The following HERC2 variants were observed in gnomAD, a reference collection of about 807,000 sequenced individuals.
The protein encoded by HERC2 is E3 ubiquitin-protein ligase HERC2.
A neutral mutation model predicts 537.7 loss-of-function variants in HERC2; 102 were observed. That is an observed-to-expected ratio of 0.19 (90% CI 0.16 to 0.22). HERC2 has a LOEUF of 0.22. Among genes scored for constraint, HERC2 ranks in the 10% least tolerant of loss-of-function variants. The probability of loss-of-function intolerance (pLI) is 1.00; values close to 1 mark genes in which losing one functional copy is unlikely to be tolerated. For synonymous variants in HERC2, 2,224 were observed against 2,466.2 expected, an observed-to-expected ratio of 0.90 and a Z score of 2.91; for missense variants, 4,236 against 6,198.2, an observed-to-expected ratio of 0.68 and a Z score of 10.63.
At chr15:28,145,849 C>T (rs1417246489) in intron 71 of HERC2, among the ~76,000 whole-genome samples, 1 of 152,192 alleles carries the variant, frequency 6.6e-6, no homozygotes, top group African/African-American at 2.4e-5. Context: ...GCTGCCTCCA[C>T]CTACATACAG....
chr15:28,225,300 T>TA (rs1262671087), intron 35 of HERC2, among the ~76,000 whole-genome samples: 1 of 151,542 alleles, frequency 6.6e-6, no homozygotes, highest in Non-Finnish European at 1.5e-5. Flanking sequence ...AAGGAAACGA[T>TA]AGAGATTAGA....
At chr15:28,125,428 C>T (rs1889373730) in intron 83 of HERC2, among the ~76,000 whole-genome samples, 1 of 152,226 alleles carries the variant, frequency 6.6e-6, no homozygotes, top group Non-Finnish European at 1.5e-5. Flanking sequence ...GGACTCTCCA[C>T]AGCCCCTGTT....
chr15:28,148,288 G>A (rs1891980644), intron 70 of HERC2, among the ~76,000 whole-genome samples: 1 of 151,950 alleles, frequency 6.6e-6, no homozygotes, highest in African/African-American at 2.4e-5. Context: ...AAAACAGAGT[G>A]TAAAATCAAA....
intron 11 of HERC2, 139 bp downstream of exon 11, chr15:28,269,109 T>C (rs1479608006): frequency 7.7e-6 from 5 of 648,042 alleles, no homozygotes; most frequent in Non-Finnish European, 1.3e-5. Flanking sequence ...CTGAGATCAT[T>C]AAACATAATA....
chr15:28,256,411 T>G (rs1397354164), intron 17 of HERC2, 94 bp from the exon 18 acceptor site: 1 of 851,966 alleles, frequency 1.2e-6, no homozygotes. Flanking sequence ...ATTTCAAGTA[T>G]TATTTAAATA....
At position 28,136,688 on chromosome 15, in the gene HERC2, G is replaced by A. The variant is rs114433057; in HGVS notation, c.12016-996C>T. On this transcript the variant is annotated intron_variant, in intron 78 of 92. Coordinates refer to ENST00000261609, the MANE Select transcript of HERC2 (RefSeq NM_004667.6). ...TTTCTTTCTGTAAATGAAGCTTTAC[G>A]GGAACACGGCCACACCCACTCATTT... 3.6e-3 allele frequency among the ~76,000 whole-genome samples: 550 copies of A among 152,284 alleles called. 6 individuals carry two copies. Among genetic ancestry groups the A allele is most frequent in the African/African-American group, 0.013 (522 of 41,556 alleles).
chr15:28,314,747 G>A (rs2077036582), intron 2 of HERC2, among the ~76,000 whole-genome samples: 1 of 151,784 alleles, frequency 6.6e-6, no homozygotes, highest in African/African-American at 2.4e-5. Flanking sequence ...TGTAATCCCA[G>A]CTACTCCGGA....
chr15:28,275,655 A>C (rs575053713), intron 5 of HERC2, among the ~76,000 whole-genome samples: 1 of 152,298 alleles, frequency 6.6e-6, no homozygotes, highest in Admixed American at 6.5e-5. Context: ...AAAAGGCTAG[A>C]ATACAAAAAT....
rs770967832 is a variant in HERC2 at position 28,192,054 on chromosome 15, C to T, written c.8358G>A (p.Val2786=). 1.2e-6 allele frequency: 2 copies of T among 1,614,104 alleles called. No individual in the cohort carries two copies. The highest frequency in any genetic ancestry group is 1.7e-6 in the Non-Finnish European group (2 of 1,180,034). ...CGGAGGACGACACATTCAGGCTCTT[C>T]ACCATGCGGGACCAGCTGTCCAGCA... ...GMLLDSWSRM[V]KSLNVSSSVN... is the part of the protein sequence containing the mutation. The change falls in exon 53 of 93, where the codon GTG becomes GTA. Residue 2786 remains valine (V), a synonymous_variant. Transcript: ENST00000261609.
chr15:28,303,405 T>C (rs1209063145), intron 2 of HERC2, among the ~76,000 whole-genome samples: 8 of 152,118 alleles, frequency 5.3e-5, no homozygotes. Flanking sequence ...TTGGTATACC[T>C]TTCTAGTAAA....
chr15:28,264,383 A>G (rs1340179227), intron 14 of HERC2, among the ~76,000 whole-genome samples: 1 of 152,218 alleles, frequency 6.6e-6, no homozygotes. Context: ...ATGGTCAATG[A>G]AAGCGGCACA....
intron 26 of HERC2, among the ~76,000 whole-genome samples, chr15:28,235,490 T>C (rs1042225618): frequency 7.2e-5 from 11 of 151,998 alleles, no homozygotes; most frequent in African/African-American, 2.2e-4. Flanking sequence ...TGCACAAAGG[T>C]CCACCCAACG....
rs756870557 is a variant in HERC2 at position 28,196,502 on chromosome 15, T to C, written c.8079A>G (p.Leu2693=). 3 of 1,613,642 alleles carry C rather than the reference T, an allele frequency of 1.9e-6. No homozygotes were observed. The highest frequency in any genetic ancestry group is 1.1e-5 in the South Asian group (1 of 91,050). The change falls in exon 51 of 93, where the codon CTA becomes CTG. Residue 2693 remains leucine, a synonymous_variant. Transcript: ENST00000261609. The part of the protein sequence containing the change: ...FPQQSHWTGL[L]SEMELVPSIH... ...TACTGGGTACCAACTCCATTTCTGA[T>C]AGCAACCCAGTCCAGTGAGACTGCT...
Position 28,169,655 on chromosome 15 carries a change from C to T in HERC2, c.10058G>A (p.Gly3353Asp). The change falls in exon 66 of 93, where the codon GGC becomes GAC. Residue 3353 changes from glycine to aspartate, a missense_variant and splice_region_variant. By Grantham distance (94) the Gly-to-Asp change is moderately conservative. Coordinates refer to ENST00000261609, the MANE Select transcript of HERC2 (RefSeq NM_004667.6). ...AGAAGAATCAGCATCTGAAGGCACGCCTATAAGAGGAAAATAAAATTTGCA... is the reference window on the plus strand; with the variant it reads ...AGAAGAATCAGCATCTGAAGGCACGTCTATAAGAGGAAAATAAAATTTGCA... ...ARDPLGASYLGVPSDADSSAA... is the reference protein window; with the variant it reads ...ARDPLGASYLDVPSDADSSAA... The T allele has an allele frequency of 2.5e-6, 4 of 1,597,048 alleles. No homozygotes were observed. The highest frequency in any genetic ancestry group is 2.6e-6 in the Non-Finnish European group (3 of 1,174,028).
rs61757161 is a variant in HERC2, at chr15:28,255,978, T to C, written c.2765A>G (p.Asn922Ser). The change falls in exon 19 of 93, where the codon AAC (asparagine) becomes AGC (serine). Residue 922 changes from asparagine to serine, a missense_variant. Coordinates refer to ENST00000261609, the MANE Select transcript of HERC2 (RefSeq NM_004667.6). ...LPCAVSGNEV[N>S]ISPGRRFMID... Reference sequence around the variant, plus strand: ...CATGAATCGACGACCTGGACTTATGTTCACTTCATTGCCTGAAACTGAAAT... The same window carrying C: ...CATGAATCGACGACCTGGACTTATGCTCACTTCATTGCCTGAAACTGAAAT... 3 of 1,606,314 alleles carry C rather than the reference T, an allele frequency of 1.9e-6. No individual in the cohort carries two copies. The highest frequency in any genetic ancestry group is 1.7e-6 in the Non-Finnish European group (2 of 1,179,822).
intron 79 of HERC2, among the ~76,000 whole-genome samples, chr15:28,133,184 C>T (rs946821023): frequency 2.2e-4 from 34 of 151,766 alleles, no homozygotes; most frequent in African/African-American, 7.3e-4. Flanking sequence ...AAATAGTTAC[C>T]ATCTGGCCCT....
intron 20 of HERC2, among the ~76,000 whole-genome samples, chr15:28,253,534 G>A (rs1056281936): frequency 5.3e-5 from 8 of 152,142 alleles, no homozygotes; most frequent in African/African-American, 1.9e-4. Flanking sequence ...CACCTATATT[G>A]AAAAGGGTCT....
chr15:28,152,919 C>A (rs1170988575), intron 69 of HERC2, 89 bp from the exon 70 acceptor site: 16 of 1,324,794 alleles, frequency 1.2e-5, no homozygotes, highest in Non-Finnish European at 1.5e-5. Flanking sequence ...TGCTCAGGAG[C>A]TCCACAAGGA....
At chr15:28,233,411 T>C in intron 29 of HERC2, 23 bp downstream of exon 29, 1 of 1,294,888 alleles carries the variant, frequency 7.7e-7, no homozygotes, top group Non-Finnish European at 1.1e-6. Flanking sequence ...AAGCACAGAA[T>C]AAAAAGAATT....
Sources: gnomAD v4.1 joint callset for allele counts (sites outside exome capture counted in the v4.1 genomes callset) on GRCh38, gnomAD v4.1.1 for gene constraint, MANE v1.5 for transcripts, NCBI Gene and HGNC (gene_info 2026-07-23, HGNC 2026-07-21) for gene names.